ZNF501: variants seen among roughly 807,000 people sequenced by gnomAD.
ZNF501 encodes zinc finger protein 52.
Under a neutral mutation model 5.7 loss-of-function variants are expected in ZNF501, and 7 were observed. That is an observed-to-expected ratio of 1.24 (90% CI 0.70 to 2.32). The LOEUF (loss-of-function observed/expected upper bound fraction) is 2.32. Ranked by LOEUF, ZNF501 falls within the 30% of genes most tolerant of loss-of-function variation. ZNF501 has a pLI of 0.00. For synonymous variants in ZNF501, 107 were observed against 101.9 expected (o/e 1.05, Z -0.30); for missense variants, 352 against 321.1 (o/e 1.10, Z -0.73).
chr3:44,732,891 A>G (rs1302313765), intron 2 of ZNF501, among the ~76,000 whole-genome samples: 2 of 152,124 alleles, frequency 1.3e-5, no homozygotes, highest in African/African-American at 4.8e-5. Context: ...TGGCATGATC[A>G]TGGCATACTC....
chr3:44,736,023 G>A lies in ZNF501; in HGVS notation c.*786G>A, dbSNP rs550082529. On this transcript the variant is annotated 3_prime_UTR_variant, in exon 3 of 3. Transcript: ENST00000620116. ...GTAGAGAGGACTGGAATATAGAGGA[G>A]AATATAAGCATGTAGATGAGGATGT... 1.2e-5 allele frequency: 2 copies of A among 167,248 alleles called. No individual in the cohort carries two copies. The highest frequency in any genetic ancestry group is 4.8e-5 in the African/African-American group (2 of 41,578). The allele number at this position is 167,248 out of a possible 1,614,324, so 10.4% of individuals were successfully genotyped here.
At position 44,734,633 on chromosome 3, in the gene ZNF501, T is replaced by G; in HGVS notation, c.212T>G (p.Ile71Ser). Residue 71 changes from isoleucine to serine, a missense_variant, in exon 3 of 3, where the codon ATT becomes AGT. Ile to Ser is a moderately radical substitution (Grantham distance 142, BLOSUM62 -2). Transcript: ENST00000620116. Reference sequence around the variant, plus strand: ...TCAAATCTTACTCAACATCTGAGAATTCATACCGGAGAGAAACCTTATAAA... The same window carrying G: ...TCAAATCTTACTCAACATCTGAGAAGTCATACCGGAGAGAAACCTTATAAA... ...KQSNLTQHLR[I>S]HTGEKPYKCN... is the part of the protein sequence containing the mutation. 6.2e-7 allele frequency: 1 copy of G among 1,614,118 alleles called. No homozygotes were observed.
chr3:44,731,218 G>A (rs549149059), intron 1 of ZNF501, among the ~76,000 whole-genome samples: 6 of 152,292 alleles, frequency 3.9e-5, no homozygotes, highest in African/African-American at 1.4e-4. Context: ...ACCTGATGTC[G>A]TATAAAGAAA....
Position 44,735,295 on chromosome 3 carries a change from A to G in ZNF501, c.*58A>G. The G allele has an allele frequency of 2.1e-6, 3 of 1,400,572 alleles. No individual in the cohort carries two copies. The highest frequency in any genetic ancestry group is 2.9e-6 in the Non-Finnish European group (3 of 1,033,024). The allele number at this position is 1,400,572 out of a possible 1,614,324, so 86.8% of individuals were successfully genotyped here. A position where few individuals can be genotyped will look rare whatever the true frequency, so the allele number is the denominator to read the frequency against. The stretch of plus-strand genomic sequence containing the variant: ...TATGGAAGCACCTTTTTTTTCTCCT[A>G]AATTCCTAGGAATGTAAGACTCAAT... On this transcript the variant is annotated 3_prime_UTR_variant, in exon 3 of 3. Coordinates refer to ENST00000620116, the MANE Select transcript of ZNF501 (RefSeq NM_001258280.2).
rs1704657409 is a variant in ZNF501, at chr3:44,734,291, A to G, written c.-131A>G. 7 of 715,854 alleles carry G rather than the reference A, an allele frequency of 9.8e-6. No homozygotes were observed. The South Asian group carries it at 1.2e-4, about 12-fold the overall frequency. 44.3% of individuals were successfully genotyped at this position (715,854 alleles called of 1,614,324 possible). ...GAATCCTGCAGGGATGAATGAGAGG[A>G]CAGCAATGCATGTGTGATGTGTGTG... On this transcript the variant is annotated 5_prime_UTR_variant, in exon 3 of 3. Coordinates refer to ENST00000620116, the MANE Select transcript of ZNF501 (RefSeq NM_001258280.2).
At position 44,730,023 on chromosome 3, in the gene ZNF501, T is replaced by A. The variant is rs2125872779; in HGVS notation, c.-311+8T>A. 1 of 152,378 alleles carries A rather than the reference T, an allele frequency of 6.6e-6. No homozygotes were observed. Among genetic ancestry groups the A allele is most frequent in the East Asian group, 1.9e-4 (1 of 5,192 alleles). The allele number at this position is 152,378 out of a possible 1,614,324, so 9.4% of individuals were successfully genotyped here. ...AAAGTTGTGCGGGTTGAAGTAAGTATATGCAAGAATTAGTGCCTTCCCTTC... is the reference window on the plus strand; with the variant it reads ...AAAGTTGTGCGGGTTGAAGTAAGTAAATGCAAGAATTAGTGCCTTCCCTTC... On this transcript the variant is annotated splice_region_variant and intron_variant, in intron 1 of 2. Coordinates refer to ENST00000620116, the MANE Select transcript of ZNF501 (RefSeq NM_001258280.2).
At chr3:44,731,323 C>T (rs3796178) in intron 1 of ZNF501, among the ~76,000 whole-genome samples, 153 bp from the exon 2 acceptor site, 91,600 of 152,090 alleles carry the variant, frequency 0.6, 28,120 homozygotes, top group East Asian at 0.89. Flanking sequence ...ATTTTTGTCA[C>T]TGGAGATACT....
rs756136194 is a variant in ZNF501, at chr3:44,734,852, G to T, written c.431G>T (p.Ser144Ile). The T allele has an allele frequency of 2.5e-6, 4 of 1,613,900 alleles. No homozygotes were observed. The highest frequency in any genetic ancestry group is 2.5e-6 in the Non-Finnish European group (3 of 1,180,014). Residue 144 changes from serine (S) to isoleucine (I), a missense_variant, in exon 3 of 3, where the codon AGT becomes ATT. Coordinates refer to ENST00000620116, the MANE Select transcript of ZNF501 (RefSeq NM_001258280.2). ...YKCTECGKAF[S>I]QSICLTRHQR... is the part of the protein sequence containing the mutation. ...TGTACAGAATGTGGCAAAGCCTTCA[G>T]TCAGAGCATATGCCTTACTCGTCAT...
Position 44,734,714 on chromosome 3 carries a change from G to T in ZNF501, c.293G>T (p.Arg98Ile), listed in dbSNP as rs1559506299. 1 of 1,614,148 alleles carries T rather than the reference G, an allele frequency of 6.2e-7. No homozygotes were observed. Among genetic ancestry groups the T allele is most frequent in the African/African-American group, 1.3e-5 (1 of 75,056 alleles). Residue 98 changes from arginine to isoleucine, a missense_variant, in exon 3 of 3, where the codon AGA becomes ATA. Physicochemically the swap from Arg to Ile is moderately conservative, Grantham distance 97 (BLOSUM62 -3). Transcript: ENST00000620116. ...AAAGCAATTCTTGTTCAGCATCTGA[G>T]AATTCATACTGGAGAGAAACCCTAT... is the stretch of plus-strand genomic sequence containing the variant. ...QTKAILVQHL[R>I]IHTGEKPYKC...
rs140483745 is a variant in ZNF501, at chr3:44,734,845, G to A, written c.424G>A (p.Ala142Thr). The A allele has an allele frequency of 1.4e-4, 231 of 1,613,872 alleles. 3 individuals carry two copies. The African/African-American group carries it at 2.9e-3, about 20-fold the overall frequency. Residue 142 changes from alanine to threonine, a missense_variant, in exon 3 of 3, where the codon GCC (alanine) becomes ACC (threonine). Ala to Thr is a moderately conservative substitution (Grantham distance 58). Coordinates refer to ENST00000620116, the MANE Select transcript of ZNF501 (RefSeq NM_001258280.2). ...ATATAAATGTACAGAATGTGGCAAAGCCTTCAGTCAGAGCATATGCCTTAC... is the reference window on the plus strand; with the variant it reads ...ATATAAATGTACAGAATGTGGCAAAACCTTCAGTCAGAGCATATGCCTTAC... ...KPYKCTECGK[A>T]FSQSICLTRH...
intron 1 of ZNF501, among the ~76,000 whole-genome samples, chr3:44,731,268 C>T (rs535819912): frequency 6.6e-6 from 1 of 152,342 alleles, no homozygotes; most frequent in East Asian, 1.9e-4. Context: ...AGGACCTGCC[C>T]TCTTTGTACA....
chr3:44,734,118 G>A (rs1462428165), intron 2 of ZNF501, 79 bp from the exon 3 acceptor site: 3 of 253,528 alleles, frequency 1.2e-5, no homozygotes, highest in African/African-American at 2.2e-5. Flanking sequence ...TTAGTTTTTA[G>A]TATTTGATTG....
Position 44,735,301 on chromosome 3 carries a change from C to T in ZNF501, c.*64C>T. 1 of 1,362,678 alleles carries T rather than the reference C, an allele frequency of 7.3e-7. No individual in the cohort carries two copies. Among genetic ancestry groups the T allele is most frequent in the Non-Finnish European group, 1.0e-6 (1 of 1,000,382 alleles). The allele number at this position is 1,362,678 out of a possible 1,614,324, so 84.4% of individuals were successfully genotyped here. A position where few individuals can be genotyped will look rare whatever the true frequency, so the allele number is the denominator to read the frequency against. On this transcript the variant is annotated 3_prime_UTR_variant, in exon 3 of 3. Coordinates refer to ENST00000620116, the MANE Select transcript of ZNF501 (RefSeq NM_001258280.2). ...AGCACCTTTTTTTTCTCCTAAATTCCTAGGAATGTAAGACTCAATCTGTAG... is the reference window on the plus strand; with the variant it reads ...AGCACCTTTTTTTTCTCCTAAATTCTTAGGAATGTAAGACTCAATCTGTAG...
Position 44,734,249 on chromosome 3 carries a change from A to G in ZNF501, c.-173A>G. On this transcript the variant is annotated 5_prime_UTR_variant, in exon 3 of 3. Coordinates refer to ENST00000620116, the MANE Select transcript of ZNF501 (RefSeq NM_001258280.2). ...CAGAGAAGTTGAGAATGCAGGCTGAACAAGGAAGAGGAAGGGGAATCCTGC... is the reference window on the plus strand; with the variant it reads ...CAGAGAAGTTGAGAATGCAGGCTGAGCAAGGAAGAGGAAGGGGAATCCTGC... The G allele has an allele frequency of 1.7e-6, 1 of 595,992 alleles. No homozygotes were observed. The highest frequency in any genetic ancestry group is 1.8e-5 in the African/African-American group (1 of 54,060). The allele number at this position is 595,992 out of a possible 1,614,324, so 36.9% of individuals were successfully genotyped here.
In ZNF501 at chr3:44,729,649, G is replaced by A. The variant is rs1559504774; in HGVS notation, c.-677G>A. 6.6e-6 allele frequency: 1 copy of A among 152,382 alleles called. No homozygotes were observed. Among genetic ancestry groups the A allele is most frequent in the Non-Finnish European group, 1.5e-5 (1 of 68,186 alleles). 9.4% of individuals were successfully genotyped at this position (152,382 alleles called of 1,614,324 possible). ...GTCCGGGACTTACTCCTTTCCGCAG[G>A]GCAGCACCCAGGGACCTGAGTGTTG... is the stretch of plus-strand genomic sequence containing the variant. On this transcript the variant is annotated 5_prime_UTR_variant, in exon 1 of 3. Coordinates refer to ENST00000620116, the MANE Select transcript of ZNF501 (RefSeq NM_001258280.2).
chr3:44,731,937 C>CA (rs1704621815), intron 2 of ZNF501: 1 of 152,172 alleles, frequency 6.6e-6, no homozygotes, highest in Non-Finnish European at 1.5e-5. Context: ...AAACCCATTG[C>CA]AAATGTGATT....
rs1231502615 is a variant in ZNF501, at chr3:44,734,706, G to A, written c.285G>A (p.Gln95=). ...TTCAAACAAAAGCAATTCTTGTTCA[G>A]CATCTGAGAATTCATACTGGAGAGA... ...KAFQTKAILV[Q]HLRIHTGEKP... is the part of the protein sequence containing the mutation. The change falls in exon 3 of 3, where the codon CAG becomes CAA. Residue 95 remains glutamine (Q), a synonymous_variant. Transcript: ENST00000620116. 5.0e-6 allele frequency: 8 copies of A among 1,613,990 alleles called. No homozygotes were observed. The highest frequency in any genetic ancestry group is 6.8e-6 in the Non-Finnish European group (8 of 1,180,022).
Position 44,735,172 on chromosome 3 carries a change from T to C in ZNF501, c.751T>C (p.Cys251Arg), listed in dbSNP as rs776487643. ...TGEKPYECVG[C>R]GKSFRHSSAL... is the part of the protein sequence containing the mutation. ...AGAAAAACCTTATGAGTGTGTTGGA[T>C]GTGGGAAATCCTTTAGGCACAGTTC... The change falls in exon 3 of 3, where the codon TGT (cysteine) becomes CGT (arginine). Residue 251 changes from cysteine to arginine, a missense_variant. Physicochemically the swap from Cys to Arg is radical, Grantham distance 180. Transcript: ENST00000620116. 6.2e-7 allele frequency: 1 copy of C among 1,612,084 alleles called. No homozygotes were observed. Among genetic ancestry groups the C allele is most frequent in the Non-Finnish European group, 8.5e-7 (1 of 1,178,736 alleles).
chr3:44,733,556 T>A (rs1704647545), intron 2 of ZNF501, among the ~76,000 whole-genome samples: 2 of 152,210 alleles, frequency 1.3e-5, no homozygotes, highest in Non-Finnish European at 2.9e-5. Flanking sequence ...TAAATCTGAT[T>A]AGTATATTTC....
Sources: gnomAD v4.1 joint callset for allele counts (sites outside exome capture counted in the v4.1 genomes callset) on GRCh38, gnomAD v4.1.1 for gene constraint, MANE v1.5 for transcripts, NCBI Gene and HGNC (gene_info 2026-07-23, HGNC 2026-07-21) for gene names.